MRRF: variants seen among roughly 807,000 people sequenced by gnomAD.
The protein encoded by MRRF is ribosome-recycling factor, mitochondrial.
MRRF carries 18 observed loss-of-function variants against 25.1 expected under a neutral mutation model. The ratio of observed to expected loss-of-function variants is 0.72; its 90% confidence interval spans 0.50 to 1.06. MRRF has a LOEUF of 1.06. Ranked by LOEUF, MRRF falls within the 50% of genes least tolerant of loss-of-function variation. The pLI is 0.00. For missense variants in MRRF, 323 were observed against 319.3 expected, an observed-to-expected ratio of 1.01 and a Z score of -0.09; for synonymous variants, 113 against 112.1, an observed-to-expected ratio of 1.01 and a Z score of -0.05.
intron 3 of MRRF, among the ~76,000 whole-genome samples, chr9:122,284,361 CT>C (rs1311585321): frequency 6.6e-6 from 1 of 152,092 alleles, no homozygotes; most frequent in Non-Finnish European, 1.5e-5. Context: ...CTTCCCAAGT[CT>C]TATTTCCTCA....
chr9:122,322,567 G>T lies in MRRF; in HGVS notation c.739G>T (p.Ala247Ser), dbSNP rs1215276277. ...CAGCCAAATGGCCGATGACACAGTG[G>T]CAGAACTGGACAGGCATCTGGCAGT... The part of the protein sequence containing the change: ...QISQMADDTV[A>S]ELDRHLAVKT... Residue 247 changes from alanine to serine, a missense_variant, in exon 7 of 7, where the codon GCA (alanine) becomes TCA (serine). Ala to Ser is a moderately conservative substitution (Grantham distance 99). Transcript: ENST00000344641. 2 of 1,614,136 alleles carry T rather than the reference G, an allele frequency of 1.2e-6. No homozygotes were observed. Among genetic ancestry groups the T allele is most frequent in the East Asian group, 2.2e-5 (1 of 44,874 alleles).
intron 5 of MRRF, among the ~76,000 whole-genome samples, chr9:122,294,404 G>A (rs1833962202): frequency 1.3e-5 from 2 of 152,178 alleles, no homozygotes; most frequent in Admixed American, 1.3e-4. Context: ...AATTTCCAAA[G>A]ATAAGAGGAT....
In MRRF at chr9:122,328,473, A is replaced by C. The variant is rs1255667053; in HGVS notation, c.*5856A>C. 1 of 152,180 alleles carries C rather than the reference A, an allele frequency of 6.6e-6. No individual in the cohort carries two copies. The highest frequency in any genetic ancestry group is 1.5e-5 in the Non-Finnish European group (1 of 68,042). 9.4% of individuals were successfully genotyped at this position (152,180 alleles called of 1,614,324 possible). A position where few individuals can be genotyped will look rare whatever the true frequency, so the allele number is the denominator to read the frequency against. ...AACATCATGTTAAGTGGAATCATAC[A>C]GGATTTGTCTTTTTGTGACTAGTTT... is the stretch of plus-strand genomic sequence containing the variant. On this transcript the variant is annotated 3_prime_UTR_variant, in exon 7 of 7. Transcript: ENST00000344641.
intron 2 of MRRF, among the ~76,000 whole-genome samples, chr9:122,273,792 G>T (rs778310819): frequency 6.6e-6 from 1 of 152,102 alleles, no homozygotes; most frequent in Non-Finnish European, 1.5e-5. Flanking sequence ...CGTCAGTATG[G>T]ATTTTGTGTC....
intron 2 of MRRF, among the ~76,000 whole-genome samples, chr9:122,274,873 T>A (rs1171557457): frequency 6.6e-6 from 1 of 152,086 alleles, no homozygotes; most frequent in Non-Finnish European, 1.5e-5. Flanking sequence ...ATCTCTCTTT[T>A]TTGCAATTTT....
At chr9:122,269,020 G>C (rs1832285893) in intron 1 of MRRF, among the ~76,000 whole-genome samples, 1 of 151,976 alleles carries the variant, frequency 6.6e-6, no homozygotes, top group Non-Finnish European at 1.5e-5. Context: ...CAAAAAATTA[G>C]CCGGGCGTGG....
chr9:122,297,708 G>A (rs938116852), intron 5 of MRRF, among the ~76,000 whole-genome samples: 1 of 152,192 alleles, frequency 6.6e-6, no homozygotes, highest in Non-Finnish European at 1.5e-5. Context: ...TGGGAAAGAA[G>A]TGAATGCAGA....
chr9:122,284,911 C>T (rs141181067), intron 3 of MRRF, among the ~76,000 whole-genome samples: 2 of 152,266 alleles, frequency 1.3e-5, no homozygotes, highest in East Asian at 3.9e-4. Flanking sequence ...AGCCTCATTG[C>T]TGAGTAGCTC....
At chr9:122,311,432 T>G (rs572456251) in intron 5 of MRRF, among the ~76,000 whole-genome samples, 12 of 152,330 alleles carry the variant, frequency 7.9e-5, no homozygotes, top group African/African-American at 2.9e-4. Flanking sequence ...ATGGAAATAT[T>G]TTTGACAATG....
chr9:122,273,674 G>A (rs1030085938), intron 2 of MRRF, among the ~76,000 whole-genome samples: 1 of 152,130 alleles, frequency 6.6e-6, no homozygotes, highest in Non-Finnish European at 1.5e-5. Flanking sequence ...TGTCACTTGT[G>A]TTTTCCAAAC....
At chr9:122,287,467 C>T (rs2118760604) in intron 4 of MRRF, among the ~76,000 whole-genome samples, 1 of 152,330 alleles carries the variant, frequency 6.6e-6, no homozygotes, top group East Asian at 1.9e-4. Flanking sequence ...GGCCTCTCCT[C>T]CTTGTTCATC....
At chr9:122,271,693 G>A (rs150974020) in intron 2 of MRRF, among the ~76,000 whole-genome samples, 84 of 152,252 alleles carry the variant, frequency 5.5e-4, no homozygotes, top group African/African-American at 1.9e-3. Context: ...ATTGATTATC[G>A]TTTATCTGTC....
At chr9:122,290,326 G>T (rs576675950) in intron 4 of MRRF, among the ~76,000 whole-genome samples, 7 of 152,158 alleles carry the variant, frequency 4.6e-5, no homozygotes, top group Non-Finnish European at 1.0e-4. Flanking sequence ...ATAATGAAGA[G>T]ACTTGGTTAT....
intron 3 of MRRF, among the ~76,000 whole-genome samples, chr9:122,281,125 A>G (rs1833073273): frequency 6.6e-6 from 1 of 152,156 alleles, no homozygotes; most frequent in South Asian, 2.1e-4. Flanking sequence ...TATACCCCTG[A>G]GCTTGACCAG....
intron 5 of MRRF, among the ~76,000 whole-genome samples, chr9:122,296,856 C>A (rs1203303970): frequency 1.3e-5 from 2 of 152,186 alleles, no homozygotes; most frequent in Admixed American, 1.3e-4. Flanking sequence ...TTGCTGAGTT[C>A]ATGCCTGGCT....
rs1326946547 is a variant in MRRF at position 122,327,862 on chromosome 9, GGT to G, written c.*5248_*5249del. On this transcript the variant is annotated 3_prime_UTR_variant, in exon 7 of 7. Coordinates refer to ENST00000344641, the MANE Select transcript of MRRF (RefSeq NM_138777.5). ...TTAAGCTTTCAGAATCACTATTTTA[GGT>G]GTTTCTTTTTTTTTTTGGAATTGGG... The G allele has an allele frequency of 2.0e-5, 3 of 150,728 alleles. No homozygotes were observed. The highest frequency in any genetic ancestry group is 7.3e-5 in the African/African-American group (3 of 41,196). The allele number at this position is 150,728 out of a possible 1,614,324, so 9.3% of individuals were successfully genotyped here.
At chr9:122,313,120 A>C in intron 5 of MRRF, 107 bp from the exon 6 acceptor site, 1 of 1,160,768 alleles carries the variant, frequency 8.6e-7, no homozygotes, top group Non-Finnish European at 1.3e-6. Context: ...CAGCCCACAG[A>C]GAGGAAAGTT....
At chr9:122,273,805 A>T (rs1404207515) in intron 2 of MRRF, among the ~76,000 whole-genome samples, 5 of 151,998 alleles carry the variant, frequency 3.3e-5, no homozygotes, top group Admixed American at 3.3e-4. Flanking sequence ...TTTGTGTCTG[A>T]CTTCTGTGGT....
In MRRF at chr9:122,326,913, T is replaced by G. The variant is rs1836159013; in HGVS notation, c.*4296T>G. 6.6e-6 allele frequency: 1 copy of G among 152,228 alleles called. No individual in the cohort carries two copies. Among genetic ancestry groups the G allele is most frequent in the South Asian group, 2.1e-4 (1 of 4,836 alleles). The allele number at this position is 152,228 out of a possible 1,614,324, so 9.4% of individuals were successfully genotyped here. A position where few individuals can be genotyped will look rare whatever the true frequency, so the allele number is the denominator to read the frequency against. ...GTCACACAGGTAGTAAGTGCTAGAA[T>G]GAAATTTCAAACCCACATCTGACCT... On this transcript the variant is annotated 3_prime_UTR_variant, in exon 7 of 7. Coordinates refer to ENST00000344641, the MANE Select transcript of MRRF (RefSeq NM_138777.5).
Sources: allele counts gnomAD v4.1 joint callset (sites outside exome capture counted in the v4.1 genomes callset), GRCh38; gene constraint gnomAD v4.1.1; transcripts MANE v1.5; gene names NCBI Gene and HGNC (gene_info 2026-07-23, HGNC 2026-07-21).